Variants in DPY19L2 observed in about 807,000 individuals in gnomAD.
DPY19L2 encodes dpy-19 like 2.
In DPY19L2, 34 loss-of-function variants were observed where a neutral mutation model predicts 97.9. The observed-to-expected ratio is 0.35, with a 90% confidence interval of 0.26 to 0.46. The LOEUF is 0.46. Ranked by LOEUF, DPY19L2 falls within the 20% of genes least tolerant of loss-of-function variation. The pLI is 1.00. For synonymous variants in DPY19L2, 230 were observed against 307.9 expected, an observed-to-expected ratio of 0.75 and a Z score of 2.65; for missense variants, 623 against 911.4, an observed-to-expected ratio of 0.68 and a Z score of 4.07.
intron 6 of DPY19L2, among the ~76,000 whole-genome samples, chr12:63,627,713 T>C (rs1889811382): frequency 6.6e-6 from 1 of 152,166 alleles, no homozygotes; most frequent in African/African-American, 2.4e-5. Context: ...AGATGCTCAA[T>C]CCCACATCTG....
At chr12:63,614,703 A>G (rs939860903) in intron 11 of DPY19L2, among the ~76,000 whole-genome samples, 1 of 152,086 alleles carries the variant, frequency 6.6e-6, no homozygotes, top group African/African-American at 2.4e-5. Context: ...TAAAAACCCT[A>G]CATTCTTGAA....
chr12:63,565,617 T>C (rs1877515429), intron 21 of DPY19L2, among the ~76,000 whole-genome samples: 1 of 152,148 alleles, frequency 6.6e-6, no homozygotes, highest in Non-Finnish European at 1.5e-5. Context: ...TTCTGGGAAT[T>C]AGGACATGGC....
chr12:63,653,628 T>A (rs1818017), intron 4 of DPY19L2, among the ~76,000 whole-genome samples: 100,692 of 151,808 alleles, frequency 0.66, 33,923 homozygotes, highest in East Asian at 0.87. Flanking sequence ...ATGGCAAAAG[T>A]TATAAACCTA....
At chr12:63,597,773 C>A (rs1006597517) in intron 14 of DPY19L2, 36 bp downstream of exon 14, 16 of 1,564,118 alleles carry the variant, frequency 1.0e-5, no homozygotes, top group Non-Finnish European at 1.4e-5. Flanking sequence ...GCAAAAAACT[C>A]ATATTAGTAG....
At chr12:63,661,566 T>TAAA in intron 3 of DPY19L2, 85 bp from the exon 4 acceptor site, 2 of 762,304 alleles carry the variant, frequency 2.6e-6, no homozygotes, top group South Asian at 2.8e-5. Context: ...ACTTTTTTTC[T>TAAA]GAAAAAAAAA....
chr12:63,661,702 G>C (rs895121517), intron 3 of DPY19L2, among the ~76,000 whole-genome samples: 17 of 151,996 alleles, frequency 1.1e-4, no homozygotes, highest in Admixed American at 2.6e-4. Flanking sequence ...TCAAACTAAA[G>C]AGATGGAGGG....
chr12:63,594,464 A>AGAGTGTGTGTGT lies in DPY19L2; in HGVS notation c.1534-332_1534-331insACACACACACTC, dbSNP rs1555189197. On this transcript the variant is annotated intron_variant, in intron 15 of 21. Transcript: ENST00000324472. ...CTGCAGGGATGAGAGAGAGAGAGAT[A>AGAGTGTGTGTGT]GTGTGTGTGTGTGTGTGTGTGTGTG... 1.8e-3 allele frequency among the ~76,000 whole-genome samples: 227 copies of AGAGTGTGTGTGT among 125,010 alleles called. 7 individuals are homozygous for AGAGTGTGTGTGT. The highest frequency in any genetic ancestry group is 4.9e-3 in the African/African-American group (137 of 28,224). The allele number at this position is 125,010 out of a possible 152,430, so 82.0% of individuals were successfully genotyped here.
intron 6 of DPY19L2, among the ~76,000 whole-genome samples, chr12:63,642,827 T>C (rs569424195): frequency 9.9e-5 from 15 of 152,034 alleles, no homozygotes; most frequent in Non-Finnish European, 1.9e-4. Flanking sequence ...ACAAAAAATA[T>C]GTTGGAATTT....
chr12:63,641,489 A>G (rs564603730), intron 6 of DPY19L2, among the ~76,000 whole-genome samples: 8 of 152,238 alleles, frequency 5.3e-5, no homozygotes, highest in Non-Finnish European at 1.2e-4. Context: ...CAACATAACC[A>G]TTTCTATATA....
rs188655484 is a variant in DPY19L2, at chr12:63,598,242, A to T, written c.1360-332T>A. 5.9e-3 allele frequency among the ~76,000 whole-genome samples: 903 copies of T among 152,208 alleles called. 2 individuals are homozygous for T. The highest frequency in any genetic ancestry group is 0.021 in the African/African-American group (867 of 41,494). ...GTTAATTACATTTTATAATAAGACA[A>T]TTTATCATGAAAAACTATTTTACTT... On this transcript the variant is annotated intron_variant, in intron 13 of 21. Coordinates refer to ENST00000324472, the MANE Select transcript of DPY19L2 (RefSeq NM_173812.5).
intron 4 of DPY19L2, among the ~76,000 whole-genome samples, chr12:63,653,775 T>C (rs539171267): frequency 6.6e-6 from 1 of 151,972 alleles, no homozygotes; most frequent in South Asian, 2.1e-4. Flanking sequence ...TTTAAAAAAA[T>C]ACTGAAACCA....
chr12:63,590,963 C>T (rs1039536985), intron 16 of DPY19L2: 24 of 425,850 alleles, frequency 5.6e-5, no homozygotes, highest in Non-Finnish European at 1.1e-4. Flanking sequence ...TTCCACATTA[C>T]ACCCTCTGCA....
intron 19 of DPY19L2, among the ~76,000 whole-genome samples, chr12:63,575,888 T>C (rs1183867378): frequency 2.0e-5 from 3 of 151,942 alleles, no homozygotes; most frequent in African/African-American, 2.4e-5. Flanking sequence ...ATATCAATCC[T>C]ACTCTAACGA....
intron 20 of DPY19L2, among the ~76,000 whole-genome samples, chr12:63,569,823 C>A (rs1878463778): frequency 6.6e-6 from 1 of 152,110 alleles, no homozygotes; most frequent in Non-Finnish European, 1.5e-5. Context: ...AGGAAAAGCA[C>A]CTTCGCAGAA....
chr12:63,571,540 A>C (rs1429927270), intron 19 of DPY19L2, among the ~76,000 whole-genome samples: 2 of 152,190 alleles, frequency 1.3e-5, no homozygotes, highest in African/African-American at 4.8e-5. Context: ...ATGAAGGGCA[A>C]GTCTCATGGG....
At chr12:63,644,269 GA>G (rs1893089061) in intron 6 of DPY19L2, 133 bp downstream of exon 6, 7 of 1,223,794 alleles carry the variant, frequency 5.7e-6, no homozygotes, top group Non-Finnish European at 6.6e-6. Flanking sequence ...TTAAGCTTCT[GA>G]AAAATCAAGT....
At chr12:63,565,810 T>G (rs1877559033) in intron 21 of DPY19L2, among the ~76,000 whole-genome samples, 1 of 152,190 alleles carries the variant, frequency 6.6e-6, no homozygotes, top group South Asian at 2.1e-4. Flanking sequence ...CATGTTAATC[T>G]TGTTTGTTGC....
chr12:63,632,018 C>T (rs61936093), intron 6 of DPY19L2, among the ~76,000 whole-genome samples: 279 of 152,044 alleles, frequency 1.8e-3, no homozygotes, highest in Admixed American at 4.1e-3. Flanking sequence ...TCAACAACCC[C>T]TCATGCTAAA....
chr12:63,621,767 A>G (rs1241000603), intron 8 of DPY19L2, among the ~76,000 whole-genome samples: 1 of 152,202 alleles, frequency 6.6e-6, no homozygotes, highest in Non-Finnish European at 1.5e-5. Context: ...ATAAGTGCTG[A>G]CAAAGTAATA....
Sources: allele counts gnomAD v4.1 joint callset (sites outside exome capture counted in the v4.1 genomes callset), GRCh38; gene constraint gnomAD v4.1.1; transcripts MANE v1.5; gene names NCBI Gene and HGNC (gene_info 2026-07-23, HGNC 2026-07-21).